Variants in COL21A1 observed in about 807,000 individuals in gnomAD.
COL21A1 encodes collagen type XXI alpha 1 chain, also known as collagen alpha-1(XXI) chain.
In COL21A1, 149 loss-of-function variants were observed where a neutral mutation model predicts 137.9. The observed-to-expected ratio is 1.08, with a 90% CI of 0.95 to 1.24. The LOEUF (loss-of-function observed/expected upper bound fraction) is 1.24. COL21A1 is among the 50% of genes most tolerant of loss of function. The pLI, the probability that COL21A1 is intolerant of heterozygous loss-of-function variation, is 0.00. For synonymous variants in COL21A1, 456 were observed against 391.5 expected (o/e 1.16, Z -1.95); for missense variants, 1,167 against 1,158.4 (o/e 1.01, Z -0.11).
At chr6:56,248,038 C>T (rs1782746708), upstream of COL21A1, among the ~76,000 whole-genome samples, 1 of 152,198 alleles carries the variant, frequency 6.6e-6, no homozygotes, top group Admixed American at 6.5e-5. Flanking sequence ...GGGAAGTTCA[C>T]TTTCAAATAG....
At chr6:56,207,913 A>C (rs1779896527) in intron 1 of COL21A1, among the ~76,000 whole-genome samples, 1 of 152,166 alleles carries the variant, frequency 6.6e-6, no homozygotes, top group South Asian at 2.1e-4. Flanking sequence ...CCATCACGTA[A>C]ACAGCACCAA....
At chr6:56,295,279 G>T (rs1046846003) in intron 1 of COL21A1, among the ~76,000 whole-genome samples, 1 of 151,850 alleles carries the variant, frequency 6.6e-6, no homozygotes, top group African/African-American at 2.4e-5. Context: ...CTATTTCTGG[G>T]CTCCCTGTTC....
In COL21A1 at chr6:56,147,244, T is replaced by A. The variant is rs562474821; in HGVS notation, c.1435-5261A>T. ...GCTAACCTCATTTCCTCTCTTGCTG[T>A]CCTGCTACATTTTTTCCATAGTACT... is the stretch of plus-strand genomic sequence containing the variant. On this transcript the variant is annotated intron_variant, in intron 10 of 29. Transcript: ENST00000244728. Among the ~76,000 whole-genome samples the A allele has an allele frequency of 2.9e-4, 44 of 152,262 alleles. 2 individuals are homozygous for A. In the South Asian group the frequency reaches 9.1e-3, roughly 32 times the overall value.
At position 56,290,498 on chromosome 6, in the gene COL21A1, G is replaced by GGTTTTTTTT. The variant is rs371058894; in HGVS notation, c.-39+103472_-39+103473insAAAAAAAAC. 2.6e-3 allele frequency among the ~76,000 whole-genome samples: 341 copies of GGTTTTTTTT among 132,818 alleles called. 1 individual carries two copies. The highest frequency in any genetic ancestry group is 3.5e-3 in the Non-Finnish European group (224 of 64,292). The allele number at this position is 132,818 out of a possible 152,430, so 87.1% of individuals were successfully genotyped here. On this transcript the variant is annotated intron_variant, in intron 1 of 28. Transcript: ENST00000370819. ...AGATGCATATTAGAATCACTTAGGA[G>GGTTTTTTTT]ATTTTTTTTTTTTTTTTTTGAGACG...
chr6:56,077,192 A>G (rs889264461), intron 18 of COL21A1, among the ~76,000 whole-genome samples: 11 of 151,464 alleles, frequency 7.3e-5, no homozygotes, highest in African/African-American at 2.7e-4. Context: ...CTGAAAGTTT[A>G]TTACCAAGCT....
intron 1 of COL21A1, among the ~76,000 whole-genome samples, chr6:56,185,426 C>CTTT (rs777045553): frequency 6.0e-5 from 6 of 100,170 alleles, no homozygotes; most frequent in Admixed American, 1.2e-4. Flanking sequence ...AATGAACAGT[C>CTTT]TTTTTTTTTT....
At chr6:56,326,184 G>T (rs1202210324) in intron 1 of COL21A1, among the ~76,000 whole-genome samples, 2 of 147,306 alleles carry the variant, frequency 1.4e-5, no homozygotes, top group East Asian at 2.0e-4. Context: ...AATTATCAAA[G>T]TTCTTTATAC....
At chr6:56,137,267 T>C (rs189935295) in intron 12 of COL21A1, among the ~76,000 whole-genome samples, 1 of 152,224 alleles carries the variant, frequency 6.6e-6, no homozygotes, top group Admixed American at 6.5e-5. Context: ...GGAATGCATA[T>C]GGACAAAATT....
chr6:56,250,236 T>C (rs1378268816), upstream of COL21A1, among the ~76,000 whole-genome samples: 1 of 152,202 alleles, frequency 6.6e-6, no homozygotes, highest in Non-Finnish European at 1.5e-5. Flanking sequence ...ACTAGGAAAC[T>C]GTTGTGATGG....
intron 1 of COL21A1, among the ~76,000 whole-genome samples, chr6:56,312,393 A>C (rs1448990857): frequency 6.6e-6 from 1 of 152,184 alleles, no homozygotes; most frequent in Admixed American, 6.5e-5. Flanking sequence ...AGAAGGGGTA[A>C]AAGAATTGAG....
In COL21A1 at chr6:56,153,013, A is replaced by G. The variant is rs551666130; in HGVS notation, c.1434+3874T>C. Among the ~76,000 whole-genome samples, 6 of 152,326 alleles carry G rather than the reference A, an allele frequency of 3.9e-5. No homozygotes were observed. In the South Asian group the frequency reaches 1.2e-3, roughly 32 times the overall value. On this transcript the variant is annotated intron_variant, in intron 10 of 29. Coordinates refer to ENST00000244728, the MANE Select transcript of COL21A1 (RefSeq NM_030820.4). ...AACTCACATAGGACCTCAGGGAAGT[A>G]TCTTCAGTGAGATTAAAGAATTGCA...
intron 1 of COL21A1, among the ~76,000 whole-genome samples, chr6:56,261,408 G>A (rs1763270992): frequency 6.6e-6 from 1 of 152,194 alleles, no homozygotes; most frequent in South Asian, 2.1e-4. Context: ...TATGGTTATG[G>A]TATTAGGAGG....
At chr6:56,337,751 T>C (rs72873661) in intron 1 of COL21A1, among the ~76,000 whole-genome samples, 2,574 of 152,330 alleles carry the variant, frequency 0.017, 36 homozygotes, top group Non-Finnish European at 0.027. Flanking sequence ...CTGTCTTCCT[T>C]GTGTGCTATA....
intron 1 of COL21A1, among the ~76,000 whole-genome samples, chr6:56,199,305 TC>T (rs1779228115): frequency 1.3e-5 from 2 of 152,050 alleles, no homozygotes; most frequent in African/African-American, 4.8e-5. Context: ...TTTTTTTTAA[TC>T]AACCTTTTAA....
In COL21A1 at chr6:56,129,675, C is replaced by CGTGTGTGTGTGTGTGTGTGTGTGT. The variant is rs78820557; in HGVS notation, c.1543-3550_1543-3527dup. On this transcript the variant is annotated intron_variant, in intron 12 of 29. Coordinates refer to ENST00000244728, the MANE Select transcript of COL21A1 (RefSeq NM_030820.4). ...TGTTGCTTCCTCTGTCACGTGCGTG[C>CGTGTGTGTGTGTGTGTGTGTGTGT]GTGTGTGTGTGTGTGTGTGTGTGTG... 3.7e-5 allele frequency among the ~76,000 whole-genome samples: 5 copies of CGTGTGTGTGTGTGTGTGTGTGTGT among 136,414 alleles called. No homozygotes were observed. The East Asian group carries it at 1.1e-3, about 31-fold the overall frequency. 89.5% of individuals were successfully genotyped at this position (136,414 alleles called of 152,430 possible).
intron 1 of COL21A1, among the ~76,000 whole-genome samples, chr6:56,352,358 A>C (rs567929991): frequency 9.9e-5 from 15 of 152,132 alleles, no homozygotes; most frequent in African/African-American, 3.1e-4. Context: ...GTAAATCTAG[A>C]GTGGCAAAGG....
At chr6:56,283,866 A>C (rs1582755258) in intron 1 of COL21A1, among the ~76,000 whole-genome samples, 1 of 82,576 alleles carries the variant, frequency 1.2e-5, no homozygotes, top group African/African-American at 4.4e-5. Flanking sequence ...AGACACACTC[A>C]CACACACACT....
chr6:56,136,078 C>T lies in COL21A1; in HGVS notation c.1542+5707G>A, dbSNP rs534170993. ...ATACATGTGGTTTGCACAATTTGCTCTAGTTAATTAAACATGAATGGTAGT... is the reference window on the plus strand; with the variant it reads ...ATACATGTGGTTTGCACAATTTGCTTTAGTTAATTAAACATGAATGGTAGT... On this transcript the variant is annotated intron_variant, in intron 12 of 29. Transcript: ENST00000244728. Among the ~76,000 whole-genome samples, 3 of 152,252 alleles carry T rather than the reference C, an allele frequency of 2.0e-5. No homozygotes were observed. The South Asian group carries it at 6.2e-4, about 32-fold the overall frequency.
chr6:56,263,459 G>A (rs1763328822), intron 1 of COL21A1, among the ~76,000 whole-genome samples: 1 of 152,172 alleles, frequency 6.6e-6, no homozygotes, highest in Non-Finnish European at 1.5e-5. Flanking sequence ...ATGGAAATAA[G>A]GGTGTGGTGG....
Sources: gnomAD v4.1 joint callset for allele counts (sites outside exome capture counted in the v4.1 genomes callset) on GRCh38, gnomAD v4.1.1 for gene constraint, MANE v1.5 for transcripts, NCBI Gene and HGNC (gene_info 2026-07-23, HGNC 2026-07-21) for gene names.